Variants in TTN observed in about 807,000 individuals in gnomAD.
The protein encoded by TTN is titin.
Under a neutral mutation model 3,223.0 loss-of-function variants are expected in TTN, and 1,525 were observed. The ratio of observed to expected loss-of-function variants is 0.47; its 90% CI spans 0.45 to 0.49. The LOEUF (loss-of-function observed/expected upper bound fraction) is 0.49. TTN is among the 20% of genes least tolerant of loss of function. The pLI, the probability that TTN is intolerant of heterozygous loss-of-function variation, is 0.00. For missense variants in TTN, 40,786 were observed against 43,424.0 expected (o/e 0.94, Z 5.40); for synonymous variants, 14,094 against 15,161.0 (o/e 0.93, Z 5.17).
In TTN at chr2:178,527,719, C is replaced by T. The variant is rs764960036; in HGVS notation, c.107407G>A (p.Val35803Ile). 4 of 1,608,110 alleles carry T rather than the reference C, an allele frequency of 2.5e-6. No homozygotes were observed. The highest frequency in any genetic ancestry group is 3.4e-6 in the Non-Finnish European group (4 of 1,175,812). ...CTTGTGTCACCACTTGTTCTCAATA[C>T]TACCTCTCTGGAAGGTTCTTCAACT... ...PLVEEPSREV[V>I]LRTSGDTSLQ... is the part of the protein sequence containing the mutation. Residue 35803 changes from valine (V) to isoleucine (I), a missense_variant, in exon 362 of 363, where the codon GTA becomes ATA. Coordinates refer to ENST00000589042, the MANE Select transcript of TTN (RefSeq NM_001267550.2).
In TTN at chr2:178,536,528, C is replaced by G. The variant is rs771684833; in HGVS notation, c.100219G>C (p.Asp33407His). The part of the protein sequence containing the change: ...GKPTITAVTK[D>H]SCVVAWKPPA... ...GGCTTCCAGGCCACAACACAAGAATCTTTTGTGACAGCAGTAATAGTTGGT... is the reference window on the plus strand; with the variant it reads ...GGCTTCCAGGCCACAACACAAGAATGTTTTGTGACAGCAGTAATAGTTGGT... Residue 33407 changes from aspartate (D) to histidine (H), a missense_variant, in exon 357 of 363, where the codon GAT becomes CAT. By Grantham distance (81) the Asp-to-His change is moderately conservative. Coordinates refer to ENST00000589042, the MANE Select transcript of TTN (RefSeq NM_001267550.2). 4.6e-6 allele frequency: 7 copies of G among 1,528,064 alleles called. No individual in the cohort carries two copies. Among genetic ancestry groups the G allele is most frequent in the Non-Finnish European group, 6.1e-6 (7 of 1,141,662 alleles). 94.7% of individuals were successfully genotyped at this position (1,528,064 alleles called of 1,614,324 possible). A position where few individuals can be genotyped will look rare whatever the true frequency, so the allele number is the denominator to read the frequency against.
chr2:178,624,888 A>G (rs888950795), intron 241 of TTN, among the ~76,000 whole-genome samples, 157 bp from the exon 242 acceptor site: 17 of 151,998 alleles, frequency 1.1e-4, no homozygotes, highest in Non-Finnish European at 1.6e-4. Flanking sequence ...TAAAAATGAT[A>G]TTTTATCATT....
intron 240 of TTN, among the ~76,000 whole-genome samples, chr2:178,628,465 A>C (rs973554261): frequency 6.6e-6 from 1 of 152,068 alleles, no homozygotes; most frequent in Non-Finnish European, 1.5e-5. Flanking sequence ...TTATTTTAAG[A>C]ATTCAAAATT....
At position 178,534,170 on chromosome 2, in the gene TTN, C is replaced by T. The variant is rs780580255; in HGVS notation, c.102445G>A (p.Glu34149Lys). ...CATACATATTTGACATGTCCTCCTT[C>T]TTCACCAACTGCATGCATTATCTGC... ...SGQIMHAVGE[E>K]GGHVKYVCKI... Residue 34149 changes from glutamate to lysine, a missense_variant, in exon 358 of 363, where the codon GAA becomes AAA. Coordinates refer to ENST00000589042, the MANE Select transcript of TTN (RefSeq NM_001267550.2). 8 of 1,613,842 alleles carry T rather than the reference C, an allele frequency of 5.0e-6. No individual in the cohort carries two copies. Among genetic ancestry groups the T allele is most frequent in the Admixed American group, 1.7e-5 (1 of 59,998 alleles).
chr2:178,725,217 G>T, intron 71 of TTN, 151 bp downstream of exon 71: 1 of 851,136 alleles, frequency 1.2e-6, no homozygotes. Context: ...AAGAGTGTTT[G>T]AAAGATCAAC....
rs1435801398 is a variant in TTN, at chr2:178,733,897, T to A, written c.15497-5A>T. 6.3e-7 allele frequency: 1 copy of A among 1,582,286 alleles called. No homozygotes were observed. The highest frequency in any genetic ancestry group is 1.4e-5 in the African/African-American group (1 of 73,822). The stretch of plus-strand genomic sequence containing the variant: ...TCTTTACAAAGGTTGGAGGTTCTAG[T>A]TAAGGAAAGAGAGCATATAAAACAT... On this transcript the variant is annotated splice_region_variant and splice_polypyrimidine_tract_variant and intron_variant, in intron 52 of 362. Coordinates refer to ENST00000589042, the MANE Select transcript of TTN (RefSeq NM_001267550.2).
chr2:178,551,048 T>G lies in TTN; in HGVS notation c.91483A>C (p.Arg30495=), dbSNP rs200081879. 15 of 1,613,328 alleles carry G rather than the reference T, an allele frequency of 9.3e-6. No individual in the cohort carries two copies. Among genetic ancestry groups the G allele is most frequent in the African/African-American group, 2.7e-5 (2 of 74,892 alleles). The change falls in exon 336 of 363, where the codon AGA becomes CGA. Residue 30495 remains arginine, a synonymous_variant. Transcript: ENST00000589042. ...CCAACAGCATTTCTTGCAATTATTC[T>G]GAACTCATAGCGATCCCCAGGACTG... ...GLSPGDRYEF[R]IIARNAVGTI...
At position 178,665,441 on chromosome 2, in the gene TTN, T is replaced by G. The variant is rs757898899; in HGVS notation, c.35979A>C (p.Glu11993Asp). ...PPTKAPEAMK[E>D]VVPEMKIFED... The stretch of plus-strand genomic sequence containing the variant: ...CAAATATTTTCATTTCAGGGACAAC[T>G]TCTTTCATAGCTTCTGGTGCTTTGA... Residue 11993 changes from glutamate to aspartate, a missense_variant, in exon 165 of 363, where the codon GAA becomes GAC. Physicochemically the swap from Glu to Asp is conservative, Grantham distance 45. Coordinates refer to ENST00000589042, the MANE Select transcript of TTN (RefSeq NM_001267550.2). The G allele has an allele frequency of 2.5e-6, 4 of 1,612,288 alleles. No homozygotes were observed. Among genetic ancestry groups the G allele is most frequent in the Non-Finnish European group, 3.4e-6 (4 of 1,179,588 alleles).
At chr2:178,651,025 A>G (rs2062848942) in intron 208 of TTN, among the ~76,000 whole-genome samples, 191 bp from the exon 209 acceptor site, 1 of 152,142 alleles carries the variant, frequency 6.6e-6, no homozygotes, top group South Asian at 2.1e-4. Flanking sequence ...GAATAAAAGA[A>G]CCAAGTTAGT....
Position 178,539,927 on chromosome 2 carries a change from CCTT to C in TTN, c.98135_98137del (p.Glu32712del). 1 of 1,613,630 alleles carries C rather than the reference CCTT, an allele frequency of 6.2e-7. No individual in the cohort carries two copies. Among genetic ancestry groups the C allele is most frequent in the Non-Finnish European group, 8.5e-7 (1 of 1,179,714 alleles). On this transcript the variant is annotated inframe_deletion, in exon 352 of 363. Transcript: ENST00000589042. Reference sequence around the variant, plus strand: ...GACGCCACCTTGCCTTACAAAGATACCTTCTTGGTATCTTTCATCAAGTTCATA... The same window carrying C: ...GACGCCACCTTGCCTTACAAAGATACCTTGGTATCTTTCATCAAGTTCATA...
intron 223 of TTN, among the ~76,000 whole-genome samples, chr2:178,638,357 T>C (rs2060774025): frequency 6.6e-6 from 1 of 150,838 alleles, no homozygotes. Flanking sequence ...AAATGACTAA[T>C]TATTGAATTA....
At chr2:178,799,085 G>A (rs2093914732) in intron 6 of TTN, 1 of 200,430 alleles carries the variant, frequency 5.0e-6, no homozygotes, top group Non-Finnish European at 1.0e-5. Flanking sequence ...TTGAGTGCAT[G>A]AAACTTACAC....
Position 178,705,342 on chromosome 2 carries a change from C to G in TTN, c.29436G>C (p.Lys9812Asn). The change falls in exon 103 of 363, where the codon AAG (lysine) becomes AAC (asparagine). Residue 9812 changes from lysine to asparagine, a missense_variant. Transcript: ENST00000589042. ...RAMLKKTPIL[K>N]KGAGEEEEID... Reference sequence around the variant, plus strand: ...TTTCCTCTTCTTCTCCAGCTCCTTTCTTTAAGATTGGAGTCCTAAATAAAA... The same window carrying G: ...TTTCCTCTTCTTCTCCAGCTCCTTTGTTTAAGATTGGAGTCCTAAATAAAA... 1.9e-6 allele frequency: 3 copies of G among 1,590,654 alleles called. No individual in the cohort carries two copies. Among genetic ancestry groups the G allele is most frequent in the South Asian group, 2.3e-5 (2 of 86,658 alleles).
chr2:178,673,492 G>A, intron 152 of TTN, 141 bp downstream of exon 152: 1 of 546,756 alleles, frequency 1.8e-6, no homozygotes, highest in Non-Finnish European at 3.1e-6. Context: ...TTAAAGAAAT[G>A]GAATGAGTTA....
intron 276 of TTN, 29 bp downstream of exon 276, chr2:178,607,756 C>G: frequency 6.2e-7 from 1 of 1,612,132 alleles, no homozygotes; most frequent in Non-Finnish European, 8.5e-7. Context: ...AGAAAATATC[C>G]ATAATTTTAT....
intron 6 of TTN, among the ~76,000 whole-genome samples, chr2:178,796,466 G>A (rs2093774350): frequency 6.6e-6 from 1 of 152,056 alleles, no homozygotes; most frequent in African/African-American, 2.4e-5. Flanking sequence ...CCAGTTTCAC[G>A]AAGAAATGTT....
At position 178,569,595 on chromosome 2, in the gene TTN, C is replaced by T; in HGVS notation, c.76537G>A (p.Asp25513Asn). Residue 25513 changes from aspartate (D) to asparagine (N), a missense_variant, in exon 326 of 363, where the codon GAC (aspartate) becomes AAC (asparagine). By Grantham distance (23) the Asp-to-Asn change is conservative (BLOSUM62 1). Transcript: ENST00000589042. ...EKLEAPDIDLDLELRKIINIR... is the reference protein window; with the variant it reads ...EKLEAPDIDLNLELRKIINIR... Reference sequence around the variant, plus strand: ...TTTATGATTTTCCTTAGTTCTAGGTCAAGATCAATGTCTGGTGCTTCTAAT... The same window carrying T: ...TTTATGATTTTCCTTAGTTCTAGGTTAAGATCAATGTCTGGTGCTTCTAAT... 1.2e-6 allele frequency: 2 copies of T among 1,612,582 alleles called. No individual in the cohort carries two copies. The highest frequency in any genetic ancestry group is 1.1e-5 in the South Asian group (1 of 90,982).
At position 178,777,709 on chromosome 2, in the gene TTN, T is replaced by A. The variant is rs370564790; in HGVS notation, c.4475A>T (p.His1492Leu). ...GRPMPETFWF[H>L]DGQQIVNDYT... ...CAAAAACTTATCACGCTTACCATCA[T>A]GAAACCAGAACGTCTCTGGCATAGG... The change falls in exon 25 of 363, where the codon CAT (histidine) becomes CTT (leucine). Residue 1492 changes from histidine (H) to leucine (L), a missense_variant. By Grantham distance (99) the His-to-Leu change is moderately conservative (BLOSUM62 -3). Transcript: ENST00000589042. The A allele has an allele frequency of 6.2e-7, 1 of 1,614,106 alleles. No individual in the cohort carries two copies. The highest frequency in any genetic ancestry group is 1.3e-5 in the African/African-American group (1 of 75,062).
rs890862306 is a variant in TTN at position 178,553,504 on chromosome 2, A to G, written c.89501T>C (p.Leu29834Pro). The change falls in exon 334 of 363, where the codon CTT becomes CCT. Residue 29834 changes from leucine (L) to proline (P), a missense_variant and splice_region_variant. Transcript: ENST00000589042. ...MNEPVQAKDI[L>P]EAPEIDLDVA... ...TAATCAAACCAGTAGGTACATACCA[A>G]GTATATCTTTAGCTTGTACAGGTTC... 6.2e-7 allele frequency: 1 copy of G among 1,607,754 alleles called. No homozygotes were observed. Among genetic ancestry groups the G allele is most frequent in the Non-Finnish European group, 8.5e-7 (1 of 1,176,792 alleles).
Sources: allele counts gnomAD v4.1 joint callset (sites outside exome capture counted in the v4.1 genomes callset), GRCh38; gene constraint gnomAD v4.1.1; transcripts MANE v1.5; gene names NCBI Gene and HGNC (gene_info 2026-07-23, HGNC 2026-07-21).